RABL6: variants seen among roughly 807,000 people sequenced by gnomAD.
The protein encoded by RABL6 is RAB, member RAS oncogene family like 6, also known as rab-like protein 6.
In RABL6, 28 loss-of-function variants were observed where a neutral mutation model predicts 72.9. The observed-to-expected ratio is 0.38, with a 90% confidence interval of 0.28 to 0.53. The LOEUF is 0.53. Ranked by LOEUF, RABL6 falls within the 20% of genes least tolerant of loss-of-function variation. The pLI is 0.80. For synonymous variants in RABL6, 477 were observed against 421.2 expected (o/e 1.13, Z -1.62); for missense variants, 1,029 against 1,008.4 (o/e 1.02, Z -0.28).
At chr9:136,840,127 G>C (rs1450133791) in intron 13 of RABL6, 27 bp from the exon 14 acceptor site, 3 of 1,612,918 alleles carry the variant, frequency 1.9e-6, no homozygotes, top group Admixed American at 3.3e-5. Context: ...GCCTGAGTTT[G>C]AGCCACTGTC....
chr9:136,816,967 A>T (rs959292713), intron 1 of RABL6, among the ~76,000 whole-genome samples: 10 of 152,330 alleles, frequency 6.6e-5, no homozygotes, highest in South Asian at 4.1e-4. Flanking sequence ...ATTGATAAAG[A>T]TGTAAAAGGA....
At chr9:136,831,908 G>T (rs781297196) in intron 6 of RABL6, 47 bp downstream of exon 6, 1 of 1,564,732 alleles carries the variant, frequency 6.4e-7, no homozygotes, top group African/African-American at 1.3e-5. Context: ...CGGTGCTCCG[G>T]TGTGCGGGGG....
intron 1 of RABL6, among the ~76,000 whole-genome samples, chr9:136,823,013 G>A (rs1215607973): frequency 6.6e-6 from 1 of 151,750 alleles, no homozygotes; most frequent in Non-Finnish European, 1.5e-5. Context: ...GCGTGAACCC[G>A]GGAGGTGGAG....
intron 7 of RABL6, chr9:136,834,243 A>G (rs1848542452): frequency 8.6e-7 from 1 of 1,162,662 alleles, no homozygotes; most frequent in Non-Finnish European, 1.1e-6. Flanking sequence ...ACCTGACCGT[A>G]GTACCTAATG....
intron 1 of RABL6, among the ~76,000 whole-genome samples, chr9:136,823,062 T>C (rs1848276608): frequency 7.4e-6 from 1 of 135,500 alleles, no homozygotes; most frequent in East Asian, 2.2e-4. Context: ...CAGTACGGCC[T>C]GGGCAAAAAA....
chr9:136,835,715 T>C (rs760322099), intron 7 of RABL6, 27 bp from the exon 8 acceptor site: 9 of 1,539,952 alleles, frequency 5.8e-6, no homozygotes, highest in Middle Eastern at 2.2e-4. Context: ...GGAGCCCTGC[T>C]CAGGCCTGCG....
Position 136,839,309 on chromosome 9 carries a change from C to T in RABL6, c.1581C>T (p.Arg527=), listed in dbSNP as rs770319109. Residue 527 remains arginine, a synonymous_variant, in exon 12 of 15, where the codon CGC becomes CGT. Transcript: ENST00000311502. The part of the protein sequence containing the change: ...APPWPGGVSV[R]TGPEKRSSTR... Reference sequence around the variant, plus strand: ...CCTGGCCAGGCGGTGTCTCTGTTCGCACAGGTCCGGAGAAGCGCAGCAGCA... The same window carrying T: ...CCTGGCCAGGCGGTGTCTCTGTTCGTACAGGTCCGGAGAAGCGCAGCAGCA... The T allele has an allele frequency of 1.4e-5, 23 of 1,612,202 alleles. No homozygotes were observed. Among genetic ancestry groups the T allele is most frequent in the Admixed American group, 5.0e-5 (3 of 59,930 alleles).
chr9:136,839,251 G>A lies in RABL6; in HGVS notation c.1523G>A (p.Arg508Lys). The change falls in exon 12 of 15, where the codon AGG (arginine) becomes AAG (lysine). Residue 508 changes from arginine (R) to lysine (K), a missense_variant. Physicochemically the swap from Arg to Lys is conservative, Grantham distance 26. Transcript: ENST00000311502. ...WSSIPASKPR[R>K]GTAPTRTAAP... ...TCCATACCAGCTTCGAAGCCACGGA[G>A]GGGGACAGCTCCCACGAGGACCGCA... The A allele has an allele frequency of 6.2e-7, 1 of 1,604,650 alleles. No individual in the cohort carries two copies. The highest frequency in any genetic ancestry group is 2.2e-5 in the East Asian group (1 of 44,496).
chr9:136,833,948 T>C (rs1289738522), intron 7 of RABL6: 1 of 1,547,000 alleles, frequency 6.5e-7, no homozygotes, highest in African/African-American at 1.4e-5. Flanking sequence ...GCTCAGCTGC[T>C]CCATTCCCTA....
intron 5 of RABL6, among the ~76,000 whole-genome samples, chr9:136,830,663 C>T (rs184497295): frequency 8.5e-5 from 13 of 152,382 alleles, no homozygotes; most frequent in South Asian, 4.1e-4. Context: ...GTGGCCTCCA[C>T]GGCACCTCCC....
chr9:136,834,760 G>A (rs185899611), intron 7 of RABL6, among the ~76,000 whole-genome samples: 1 of 152,044 alleles, frequency 6.6e-6, no homozygotes, highest in East Asian at 1.9e-4. Context: ...TTACAGGTGT[G>A]AGCCACCACG....
chr9:136,808,333 GCGGCGGGC>G lies in RABL6; in HGVS notation c.130+11_130+18del. The G allele has an allele frequency of 6.6e-7, 1 of 1,517,314 alleles. No homozygotes were observed. Among genetic ancestry groups the G allele is most frequent in the Non-Finnish European group, 8.8e-7 (1 of 1,133,732 alleles). The allele number at this position is 1,517,314 out of a possible 1,614,324, so 94.0% of individuals were successfully genotyped here. A position where few individuals can be genotyped will look rare whatever the true frequency, so the allele number is the denominator to read the frequency against. On this transcript the variant is annotated splice_region_variant and intron_variant, in intron 1 of 14. Transcript: ENST00000311502. ...AAGGGGGTGCAGTACAACAGTGAGT[GCGGCGGGC>G]CGGGGGGGCGCGGGAGCGCCGCGCG...
At chr9:136,828,111 T>TC (rs1564366137) in intron 3 of RABL6, 4 of 180,332 alleles carry the variant, frequency 2.2e-5, no homozygotes, top group Middle Eastern at 2.2e-3. Flanking sequence ...CCCCTCACCT[T>TC]CCCACCATAT....
chr9:136,816,727 G>GA (rs1304062973), intron 1 of RABL6, among the ~76,000 whole-genome samples: 1 of 144,944 alleles, frequency 6.9e-6, no homozygotes, highest in African/African-American at 2.5e-5. Flanking sequence ...AAAAAAAAGG[G>GA]GGGGGGGGTA....
intron 2 of RABL6, among the ~76,000 whole-genome samples, chr9:136,824,155 T>C (rs1304986902): frequency 6.6e-6 from 1 of 151,290 alleles, no homozygotes; most frequent in African/African-American, 2.4e-5. Context: ...CAATTGGGTG[T>C]GGGTGGGCTG....
rs761511221 is a variant in RABL6 at position 136,840,895 on chromosome 9, G to A, written c.*373G>A. On this transcript the variant is annotated 3_prime_UTR_variant, in exon 15 of 15. Transcript: ENST00000311502. ...TTGGCTGTGGGGTGTGCGCTGCCCC[G>A]GCACCTGCTTGCCCTCCGCGCTCAT... 3.7e-5 allele frequency: 56 copies of A among 1,508,316 alleles called. No individual in the cohort carries two copies. Among genetic ancestry groups the A allele is most frequent in the African/African-American group, 8.4e-5 (6 of 71,596 alleles). 93.4% of individuals were successfully genotyped at this position (1,508,316 alleles called of 1,614,324 possible).
In RABL6 at chr9:136,834,219, C is replaced by G. The variant is rs1848541581; in HGVS notation, c.706-1523C>G. 3.3e-6 allele frequency: 4 copies of G among 1,207,224 alleles called. No individual in the cohort carries two copies. In the Admixed American group the frequency reaches 1.6e-4, roughly 48 times the overall value. The allele number at this position is 1,207,224 out of a possible 1,614,324, so 74.8% of individuals were successfully genotyped here. Reference sequence around the variant, plus strand: ...ATTTCAAACACATCTCTAAAAAAATCAGTTGTTTTTTTAACCTGACCGTAG... The same window carrying G: ...ATTTCAAACACATCTCTAAAAAAATGAGTTGTTTTTTTAACCTGACCGTAG... On this transcript the variant is annotated intron_variant, in intron 7 of 14. Transcript: ENST00000311502.
chr9:136,837,136 C>T, intron 8 of RABL6: 1 of 703,512 alleles, frequency 1.4e-6, no homozygotes, highest in Non-Finnish European at 2.6e-6. Flanking sequence ...TGGCCTCCTA[C>T]AGTGCTGGGA....
At chr9:136,813,564 C>T (rs1564358262) in intron 1 of RABL6, 1 of 380,352 alleles carries the variant, frequency 2.6e-6, no homozygotes, top group Non-Finnish European at 4.9e-6. Context: ...ATAAGCAGTC[C>T]CTTTACTCTT....
Sources: gnomAD v4.1 joint callset for allele counts (sites outside exome capture counted in the v4.1 genomes callset) on GRCh38, gnomAD v4.1.1 for gene constraint, MANE v1.5 for transcripts, NCBI Gene and HGNC (gene_info 2026-07-23, HGNC 2026-07-21) for gene names.